The following TEX2 variants were observed in gnomAD, a reference collection of about 807,000 sequenced individuals.
The protein encoded by TEX2 is testis expressed 2, also known as testis-expressed protein 2.
A neutral mutation model predicts 106.9 loss-of-function variants in TEX2; 53 were observed. The observed-to-expected ratio is 0.50, with a 90% confidence interval of 0.40 to 0.62. TEX2 has a LOEUF of 0.62. Among genes scored for constraint, TEX2 ranks in the 20% least tolerant of loss-of-function variants. The probability of loss-of-function intolerance (pLI) is 0.00; values close to 1 mark genes in which losing one functional copy is unlikely to be tolerated. For synonymous variants in TEX2, 523 were observed against 534.8 expected (o/e 0.98, Z 0.30); for missense variants, 1,207 against 1,379.0 (o/e 0.88, Z 1.98).
chr17:64,195,121 A>G lies in TEX2; in HGVS notation c.1645-26T>C. ...CTGATGAAGAAAAACTTCCATTAGTAATATCAGAATAATCGCAAATCTGAT... is the reference window on the plus strand; with the variant it reads ...CTGATGAAGAAAAACTTCCATTAGTGATATCAGAATAATCGCAAATCTGAT... On this transcript the variant is annotated intron_variant, in intron 2 of 11. Transcript: ENST00000584379. This position sits in a 1 kb window ranked among gnomAD's most constrained non-coding sequence, Gnocchi z 4.1. 6.2e-7 allele frequency: 1 copy of G among 1,605,040 alleles called. No homozygotes were observed. The highest frequency in any genetic ancestry group is 8.5e-7 in the Non-Finnish European group (1 of 1,172,126).
At chr17:64,212,439 T>C (rs2033030506) in intron 2 of TEX2, 135 bp downstream of exon 2, 2 of 764,142 alleles carry the variant, frequency 2.6e-6, no homozygotes, top group Admixed American at 2.4e-5. Flanking sequence ...GCCTGGAGAA[T>C]GAAGTGGCCC....
chr17:64,150,135 C>T (rs2030278610), intron 11 of TEX2: 3 of 152,056 alleles, frequency 2.0e-5, no homozygotes, highest in Non-Finnish European at 1.5e-5. Flanking sequence ...AGGTCTTCTT[C>T]AAAAGGTGAA....
At position 64,147,250 on chromosome 17, in the gene TEX2, G is replaced by A. The variant is rs913449667; in HGVS notation, c.*1719C>T. 4 of 152,216 alleles carry A rather than the reference G, an allele frequency of 2.6e-5. No homozygotes were observed. The highest frequency in any genetic ancestry group is 9.7e-5 in the African/African-American group (4 of 41,436). The allele number at this position is 152,216 out of a possible 1,614,324, so 9.4% of individuals were successfully genotyped here. A position where few individuals can be genotyped will look rare whatever the true frequency, so the allele number is the denominator to read the frequency against. ...ACTTTCACTGGATTCTTTAAATGTG[G>A]GCTGAAGATAATGGCACATAGTTTG... On this transcript the variant is annotated 3_prime_UTR_variant, in exon 12 of 12. Transcript: ENST00000584379.
At chr17:64,253,051 C>T (rs1555637220) in intron 1 of TEX2, among the ~76,000 whole-genome samples, 1 of 152,194 alleles carries the variant, frequency 6.6e-6, no homozygotes, top group African/African-American at 2.4e-5. Context: ...GATCACACAG[C>T]ACCTAAACAT....
chr17:64,206,626 C>T (rs1227317038), intron 2 of TEX2, among the ~76,000 whole-genome samples: 1 of 133,174 alleles, frequency 7.5e-6, no homozygotes, highest in African/African-American at 2.9e-5. Flanking sequence ...TACAGTGGTG[C>T]GATCTCAGCT....
chr17:64,171,259 G>A (rs545984395), intron 6 of TEX2, 60 bp from the exon 7 acceptor site: 19 of 1,413,532 alleles, frequency 1.3e-5, no homozygotes, highest in Non-Finnish European at 1.8e-5. Flanking sequence ...ACATGCTGTT[G>A]CAAGTCAACA....
At chr17:64,260,069 C>T (rs1040106979) in intron 1 of TEX2, among the ~76,000 whole-genome samples, 1 of 152,130 alleles carries the variant, frequency 6.6e-6, no homozygotes, top group Non-Finnish European at 1.5e-5. Flanking sequence ...GGATACAGAC[C>T]CAGTCAGTCC....
rs781885846 is a variant in TEX2, at chr17:64,213,277, C to A, written c.941G>T (p.Gly314Val). 1 of 1,614,142 alleles carries A rather than the reference C, an allele frequency of 6.2e-7. No homozygotes were observed. The highest frequency in any genetic ancestry group is 8.5e-7 in the Non-Finnish European group (1 of 1,180,026). The change falls in exon 2 of 12, where the codon GGC becomes GTC. Residue 314 changes from glycine (G) to valine (V), a missense_variant. Transcript: ENST00000584379. This position sits in a 1 kb window ranked among gnomAD's most constrained non-coding sequence, Gnocchi z 4.4. ...AGATAAGGCTTTGGGCCTATGGCTG[C>A]CACTTTCTTCCCCTATAATTTTACT... ...LLSKIIGEES[G>V]SHRPKALSSS...
At chr17:64,149,423 T>TA (rs2143572901) in intron 11 of TEX2, 1 of 215,156 alleles carries the variant, frequency 4.6e-6, no homozygotes, top group Non-Finnish European at 9.3e-6. Flanking sequence ...AGTTCCCAGT[T>TA]ACTATGTCTA....
In TEX2 at chr17:64,205,216, C is replaced by CT. The variant is rs1428359881; in HGVS notation, c.1644+7357dup. Among the ~76,000 whole-genome samples the CT allele has an allele frequency of 6.6e-6, 1 of 152,146 alleles. No homozygotes were observed. Among genetic ancestry groups the CT allele is most frequent in the Non-Finnish European group, 1.5e-5 (1 of 68,034 alleles). On this transcript the variant is annotated intron_variant, in intron 2 of 11. Coordinates refer to ENST00000584379, the MANE Select transcript of TEX2 (RefSeq NM_001288732.2). The surrounding 1 kb of genome is among the most constrained non-coding windows in gnomAD (Gnocchi z 4.0). ...CATGTAATCCCAGCAACTCTGGAGG[C>CT]TGAGGCAGGAGAATTGCCTGAACCC...
intron 1 of TEX2, among the ~76,000 whole-genome samples, chr17:64,229,326 T>TCA (rs2033599309): frequency 1.3e-5 from 2 of 152,232 alleles, no homozygotes; most frequent in Non-Finnish European, 2.9e-5. Flanking sequence ...GCTTTGATAG[T>TCA]CACTTCATAC....
chr17:64,181,472 C>CAAA (rs759988777), intron 5 of TEX2, among the ~76,000 whole-genome samples: 103 of 25,406 alleles, frequency 4.1e-3, no homozygotes, highest in African/African-American at 0.024. Context: ...AAGGCTATCT[C>CAAA]AAAAAAAAAA....
chr17:64,199,052 T>C (rs1027215866), intron 2 of TEX2, among the ~76,000 whole-genome samples: 5 of 152,154 alleles, frequency 3.3e-5, no homozygotes, highest in African/African-American at 4.8e-5. Flanking sequence ...ACTGCTGGGA[T>C]TGTACAGGTT....
intron 8 of TEX2, among the ~76,000 whole-genome samples, chr17:64,158,468 A>G (rs2030733034): frequency 6.6e-6 from 1 of 152,236 alleles, no homozygotes. Context: ...CTGCTGGCCA[A>G]TTCTTCAGAT....
intron 10 of TEX2, 102 bp downstream of exon 10, chr17:64,152,843 G>C (rs557502120): frequency 2.0e-5 from 24 of 1,194,566 alleles, no homozygotes; most frequent in Middle Eastern, 2.8e-4. Flanking sequence ...GCTTCTGCCC[G>C]GGAGAAGGTA....
chr17:64,207,437 T>A (rs1368076892), intron 2 of TEX2, among the ~76,000 whole-genome samples: 1 of 152,188 alleles, frequency 6.6e-6, no homozygotes, highest in Non-Finnish European at 1.5e-5. Context: ...ATTGGTGAGC[T>A]TTTTAAAAAG....
Position 64,177,432 on chromosome 17 carries a change from C to T in TEX2, c.2464G>A (p.Ala822Thr). The change falls in exon 6 of 12, where the codon GCC becomes ACC. Residue 822 changes from alanine (A) to threonine (T), a missense_variant. Physicochemically the swap from Ala to Thr is moderately conservative, Grantham distance 58. Transcript: ENST00000584379. The part of the protein sequence containing the change: ...VPPSEEEEQE[A>T]WVNALLGRIF... The stretch of plus-strand genomic sequence containing the variant: ...CTTCCAAGCAAGGCATTCACCCAGG[C>T]TTCCTGTTCTTCCTCCTCAGAGGGT... 1 of 1,614,202 alleles carries T rather than the reference C, an allele frequency of 6.2e-7. No homozygotes were observed. The highest frequency in any genetic ancestry group is 8.5e-7 in the Non-Finnish European group (1 of 1,180,032).
chr17:64,173,984 T>C (rs1460242485), intron 6 of TEX2, among the ~76,000 whole-genome samples: 1 of 152,270 alleles, frequency 6.6e-6, no homozygotes, highest in East Asian at 1.9e-4. Flanking sequence ...TAGCTGGGAC[T>C]ATAGGCATGT....
intron 2 of TEX2, among the ~76,000 whole-genome samples, chr17:64,199,129 T>C (rs1159600907): frequency 1.3e-5 from 2 of 152,250 alleles, no homozygotes; most frequent in African/African-American, 4.8e-5. Flanking sequence ...TGCTTTCATT[T>C]CGTCTTTCCT....
Sources: allele counts gnomAD v4.1 joint callset (sites outside exome capture counted in the v4.1 genomes callset), GRCh38; gene constraint gnomAD v4.1.1; non-coding constraint Gnocchi (gnomAD v3.1); transcripts MANE v1.5; gene names NCBI Gene and HGNC (gene_info 2026-07-23, HGNC 2026-07-21).